SLMAP: variants seen among roughly 807,000 people sequenced by gnomAD.
SLMAP encodes the protein sarcolemmal membrane-associated protein.
Under a neutral mutation model 128.8 loss-of-function variants are expected in SLMAP, and 44 were observed. The observed-to-expected ratio is 0.34, with a 90% CI of 0.27 to 0.44. SLMAP has a LOEUF of 0.44. Among genes scored for constraint, SLMAP ranks in the 20% least tolerant of loss-of-function variants. The pLI is 1.00. For missense variants in SLMAP, 787 were observed against 985.3 expected (o/e 0.80, Z 2.69); for synonymous variants, 327 against 348.8 (o/e 0.94, Z 0.70).
chr3:57,896,991 A>G (rs2096259396), intron 17 of SLMAP, 59 bp downstream of exon 17: 2 of 1,608,608 alleles, frequency 1.2e-6, no homozygotes, highest in African/African-American at 1.3e-5. Context: ...CCTTTGCCAT[A>G]AAATCTGTTC....
chr3:57,863,362 T>C (rs752562225), intron 10 of SLMAP, among the ~76,000 whole-genome samples: 6 of 152,228 alleles, frequency 3.9e-5, no homozygotes, highest in Non-Finnish European at 5.9e-5. Context: ...CTAGAAGATA[T>C]GTGTTTGTTA....
At chr3:57,848,541 C>G (rs1011502013) in intron 5 of SLMAP, among the ~76,000 whole-genome samples, 5 of 149,106 alleles carry the variant, frequency 3.4e-5, no homozygotes, top group Admixed American at 6.7e-5. Context: ...CTTCTTCCTT[C>G]CCTTTTTCCT....
chr3:57,775,780 AC>A (rs1412003186), intron 2 of SLMAP, among the ~76,000 whole-genome samples: 5 of 152,020 alleles, frequency 3.3e-5, no homozygotes, highest in Non-Finnish European at 7.4e-5. Context: ...GCTCACTGCA[AC>A]CTCTGCCTCC....
In SLMAP at chr3:57,907,970, G is replaced by C; in HGVS notation, c.1588G>C (p.Ala530Pro). Residue 530 changes from alanine (A) to proline (P), a missense_variant, in exon 18 of 25, where the codon GCT becomes CCT. Physicochemically the swap from Ala to Pro is conservative, Grantham distance 27. Coordinates refer to ENST00000671191, the MANE Select transcript of SLMAP (RefSeq NM_001377540.1). ...GGAATTGATCGAAGCCCAGGAGCTA[G>C]CTAGAACAAGTAAACAAAAATGCTT... ...RKELIEAQEL[A>P]RTSKQKCFEL... The C allele has an allele frequency of 6.2e-7, 1 of 1,613,950 alleles. No individual in the cohort carries two copies. Among genetic ancestry groups the C allele is most frequent in the Non-Finnish European group, 8.5e-7 (1 of 1,179,882 alleles).
chr3:57,879,503 A>C (rs1364218884), intron 14 of SLMAP, among the ~76,000 whole-genome samples: 1 of 152,182 alleles, frequency 6.6e-6, no homozygotes, highest in African/African-American at 2.4e-5. Flanking sequence ...GGACAAATAC[A>C]CTGGGGCATA....
At chr3:57,758,550 T>C (rs1395406954) in intron 2 of SLMAP, among the ~76,000 whole-genome samples, 1 of 152,186 alleles carries the variant, frequency 6.6e-6, no homozygotes, top group Non-Finnish European at 1.5e-5. Flanking sequence ...CTTACAGAGG[T>C]GCTATTCAAA....
chr3:57,916,046 C>T (rs148413975), intron 21 of SLMAP, among the ~76,000 whole-genome samples: 2 of 152,024 alleles, frequency 1.3e-5, no homozygotes, highest in Admixed American at 1.3e-4. Context: ...ATCCCAGCTA[C>T]TCAGAAGGCT....
At chr3:57,762,315 G>A (rs1225592444) in intron 2 of SLMAP, among the ~76,000 whole-genome samples, 1 of 151,772 alleles carries the variant, frequency 6.6e-6, no homozygotes, top group Middle Eastern at 3.2e-3. Flanking sequence ...GTTGCAGTGA[G>A]CTGAGATCGC....
At chr3:57,840,666 G>A (rs1471693399) in intron 3 of SLMAP, among the ~76,000 whole-genome samples, 2 of 152,194 alleles carry the variant, frequency 1.3e-5, no homozygotes, top group East Asian at 3.8e-4. Flanking sequence ...CTGTACTGAT[G>A]TCATTTTGGG....
chr3:57,757,571 C>CATA lies in SLMAP; in HGVS notation c.-80_-78dup. On this transcript the variant is annotated 5_prime_UTR_variant, in exon 2 of 25. Coordinates refer to ENST00000671191, the MANE Select transcript of SLMAP (RefSeq NM_001377540.1). ...TTTAAAATTTTGGGTGGGATAGGGG[C>CATA]ATAGGCTTGTGAAGGGCAGTCCGGA... 1.5e-6 allele frequency: 2 copies of CATA among 1,346,146 alleles called. No homozygotes were observed. The highest frequency in any genetic ancestry group is 2.1e-6 in the Non-Finnish European group (2 of 950,086). The allele number at this position is 1,346,146 out of a possible 1,614,324, so 83.4% of individuals were successfully genotyped here.
At chr3:57,926,955 G>A (rs191385719) in intron 24 of SLMAP, among the ~76,000 whole-genome samples, 91 of 152,218 alleles carry the variant, frequency 6.0e-4, no homozygotes, top group South Asian at 1.2e-3. Context: ...ATATACATCA[G>A]TTATATTGGA....
In SLMAP at chr3:57,861,929, C is replaced by T; in HGVS notation, c.829-20C>T. On this transcript the variant is annotated intron_variant, in intron 9 of 24. Coordinates refer to ENST00000671191, the MANE Select transcript of SLMAP (RefSeq NM_001377540.1). ...ATATACACTTATTCTAATTAAATTG[C>T]CTGTAAACTTGAATCGCAGCGAAGT... 6.3e-7 allele frequency: 1 copy of T among 1,598,692 alleles called. No homozygotes were observed. The highest frequency in any genetic ancestry group is 8.6e-7 in the Non-Finnish European group (1 of 1,168,550).
At position 57,906,674 on chromosome 3, in the gene SLMAP, AATAT is replaced by A. The variant is rs71091317; in HGVS notation, c.1502-1186_1502-1183del. Among the ~76,000 whole-genome samples the A allele has an allele frequency of 8.3e-3, 562 of 67,442 alleles. 5 individuals carry two copies. Among genetic ancestry groups the A allele is most frequent in the South Asian group, 0.019 (47 of 2,516 alleles). The allele number at this position is 67,442 out of a possible 152,430, so 44.2% of individuals were successfully genotyped here. On this transcript the variant is annotated intron_variant, in intron 17 of 24. Transcript: ENST00000671191. The stretch of plus-strand genomic sequence containing the variant: ...ATATAATCTATGAATATGAAAAAAA[AATAT>A]ATATATATATATATATATATATAAT...
intron 17 of SLMAP, 181 bp downstream of exon 17, chr3:57,897,113 T>C: frequency 7.3e-7 from 1 of 1,360,986 alleles, no homozygotes. Flanking sequence ...TTTCAAACTA[T>C]TGTTGAATAA....
intron 8 of SLMAP, among the ~76,000 whole-genome samples, chr3:57,860,297 C>T: frequency 6.6e-6 from 1 of 152,222 alleles, no homozygotes; most frequent in East Asian, 1.9e-4. Flanking sequence ...ATGAAGTCTG[C>T]TTTTCCCCCA....
Position 57,929,556 on chromosome 3 carries a change from TTAAA to T in SLMAP, c.*2272_*2275del, listed in dbSNP as rs2097050019. Among the ~76,000 whole-genome samples, 1 of 152,246 alleles carries T rather than the reference TTAAA, an allele frequency of 6.6e-6. No homozygotes were observed. The highest frequency in any genetic ancestry group is 1.5e-5 in the Non-Finnish European group (1 of 68,034). ...CAGTTTTGTTCAGTTCACTTCCACG[TTAAA>T]TAAAGAATAGGATTATTCACTGGTA... On this transcript the variant is annotated 3_prime_UTR_variant, in exon 25 of 25. Coordinates refer to ENST00000671191, the MANE Select transcript of SLMAP (RefSeq NM_001377540.1).
At chr3:57,921,128 G>T (rs990235838) in intron 22 of SLMAP, among the ~76,000 whole-genome samples, 1 of 152,128 alleles carries the variant, frequency 6.6e-6, no homozygotes, top group Non-Finnish European at 1.5e-5. Context: ...CGTGTAAGAT[G>T]CTGTATCTAG....
chr3:57,766,646 T>G (rs2079795776), intron 2 of SLMAP, among the ~76,000 whole-genome samples: 1 of 152,164 alleles, frequency 6.6e-6, no homozygotes, highest in Non-Finnish European at 1.5e-5. Context: ...AATCTATATC[T>G]TATTTTCTTT....
chr3:57,912,019 A>G (rs528470233), intron 19 of SLMAP, among the ~76,000 whole-genome samples: 13 of 151,092 alleles, frequency 8.6e-5, no homozygotes, highest in Non-Finnish European at 1.2e-4. Flanking sequence ...CAAATAAGTT[A>G]TATATACTAT....
Sources: allele counts gnomAD v4.1 joint callset (sites outside exome capture counted in the v4.1 genomes callset), GRCh38; gene constraint gnomAD v4.1.1; transcripts MANE v1.5; gene names NCBI Gene and HGNC (gene_info 2026-07-23, HGNC 2026-07-21).